Variants in ARHGAP15 observed in about 807,000 individuals in gnomAD.
ARHGAP15 encodes rho GTPase-activating protein 15.
In ARHGAP15, 51 loss-of-function variants were observed where a neutral mutation model predicts 63.7. That is an observed-to-expected ratio of 0.80 (90% CI 0.64 to 1.01). The LOEUF (loss-of-function observed/expected upper bound fraction) is 1.01, where lower values mean the gene tolerates loss of function less well. ARHGAP15 is among the 50% of genes least tolerant of loss of function. ARHGAP15 has a pLI of 0.00. For missense variants in ARHGAP15, 560 were observed against 564.6 expected (o/e 0.99, Z 0.08); for synonymous variants, 191 against 193.8 (o/e 0.99, Z 0.12).
intron 2 of ARHGAP15, among the ~76,000 whole-genome samples, chr2:143,184,309 A>G (rs899445536): frequency 2.0e-5 from 3 of 152,190 alleles, no homozygotes; most frequent in African/African-American, 7.2e-5. Flanking sequence ...TAGCAAACTG[A>G]AAGAACTGAT....
chr2:143,596,370 T>C (rs940062860), intron 11 of ARHGAP15, among the ~76,000 whole-genome samples: 30 of 152,072 alleles, frequency 2.0e-4, no homozygotes, highest in African/African-American at 7.0e-4. Context: ...TTTCAATGCA[T>C]AACAACCCCA....
chr2:143,443,334 A>G (rs1013905484), intron 8 of ARHGAP15, among the ~76,000 whole-genome samples: 1 of 152,152 alleles, frequency 6.6e-6, no homozygotes, highest in Non-Finnish European at 1.5e-5. Flanking sequence ...TCTTTCCTGG[A>G]AAAACAAAAA....
chr2:143,508,211 C>T (rs546524843), intron 9 of ARHGAP15, among the ~76,000 whole-genome samples: 30 of 152,178 alleles, frequency 2.0e-4, no homozygotes, highest in Non-Finnish European at 3.4e-4. Context: ...CCTTCCTGCT[C>T]CTCCTCTAAG....
chr2:143,321,557 T>TA (rs1684026276), intron 6 of ARHGAP15, among the ~76,000 whole-genome samples: 1 of 152,298 alleles, frequency 6.6e-6, no homozygotes, highest in South Asian at 2.1e-4. Context: ...CCTGAACCAA[T>TA]AACTATGAGC....
At chr2:143,165,024 GC>G (rs1271278095) in intron 2 of ARHGAP15, among the ~76,000 whole-genome samples, 1 of 151,946 alleles carries the variant, frequency 6.6e-6, no homozygotes, top group Non-Finnish European at 1.5e-5. Context: ...AATAAATCAT[GC>G]TTTTACTTCC....
At chr2:143,359,257 A>G (rs1041431517) in intron 6 of ARHGAP15, among the ~76,000 whole-genome samples, 4 of 152,060 alleles carry the variant, frequency 2.6e-5, no homozygotes, top group Admixed American at 6.6e-5. Context: ...ATTGAAGTTC[A>G]TTGACTTTGA....
chr2:143,374,601 C>A (rs1187466550), intron 6 of ARHGAP15, among the ~76,000 whole-genome samples: 1 of 152,082 alleles, frequency 6.6e-6, no homozygotes, highest in East Asian at 1.9e-4. Flanking sequence ...ACTCCCTGGA[C>A]TCAAAATTCT....
intron 9 of ARHGAP15, among the ~76,000 whole-genome samples, chr2:143,509,056 C>A (rs1207587675): frequency 6.6e-6 from 1 of 152,196 alleles, no homozygotes; most frequent in African/African-American, 2.4e-5. Context: ...GCTACCCCCG[C>A]AGCTAAATGT....
In ARHGAP15 at chr2:143,768,027, A is replaced by C; in HGVS notation, c.1283A>C (p.Gln428Pro). Residue 428 changes from glutamine to proline, a missense_variant, in exon 14 of 14, where the codon CAA (glutamine) becomes CCA (proline). Gln to Pro is a moderately conservative substitution (Grantham distance 76). Transcript: ENST00000295095. Reference sequence around the variant, plus strand: ...GCCTCCAAGAACCTCATGTCCACGCAAAGCTTGGGGATTGTATTTGGACCT... The same window carrying C: ...GCCTCCAAGAACCTCATGTCCACGCCAAGCTTGGGGATTGTATTTGGACCT... ...AKASKNLMST[Q>P]SLGIVFGPTL... 6.2e-7 allele frequency: 1 copy of C among 1,613,650 alleles called. No homozygotes were observed.
At chr2:143,765,785 GGA>G (rs1195205328) in intron 13 of ARHGAP15, among the ~76,000 whole-genome samples, 1 of 151,986 alleles carries the variant, frequency 6.6e-6, no homozygotes, top group African/African-American at 2.4e-5. Context: ...CACAGGTACT[GGA>G]CCCAGACTGC....
At chr2:143,318,538 A>G (rs1449927795) in intron 6 of ARHGAP15, among the ~76,000 whole-genome samples, 1 of 81,992 alleles carries the variant, frequency 1.2e-5, no homozygotes. Flanking sequence ...TTTTTTTTCG[A>G]ACAGTCAATA....
intron 8 of ARHGAP15, among the ~76,000 whole-genome samples, chr2:143,462,449 G>T (rs1369465490): frequency 6.6e-6 from 1 of 152,124 alleles, no homozygotes; most frequent in East Asian, 1.9e-4. Context: ...AAGGCACAAA[G>T]TTTTACTGAA....
At chr2:143,556,170 C>T (rs1328174704) in intron 10 of ARHGAP15, among the ~76,000 whole-genome samples, 2 of 152,024 alleles carry the variant, frequency 1.3e-5, no homozygotes, top group Non-Finnish European at 1.5e-5. Flanking sequence ...TAATCCTATT[C>T]TACCCACTGC....
chr2:143,535,027 T>C (rs891412158), intron 10 of ARHGAP15, among the ~76,000 whole-genome samples: 1 of 150,448 alleles, frequency 6.6e-6, no homozygotes, highest in Non-Finnish European at 1.5e-5. Flanking sequence ...CTAATTTCCT[T>C]ATGATAGAAA....
intron 6 of ARHGAP15, among the ~76,000 whole-genome samples, chr2:143,282,520 T>A (rs998748566): frequency 6.6e-6 from 1 of 152,036 alleles, no homozygotes; most frequent in Non-Finnish European, 1.5e-5. Context: ...TCAGGTCTCA[T>A]GAGACATGCG....
intron 13 of ARHGAP15, among the ~76,000 whole-genome samples, chr2:143,762,402 A>T (rs1686791911): frequency 6.6e-6 from 1 of 152,154 alleles, no homozygotes; most frequent in Admixed American, 6.6e-5. Context: ...ATGGTAGCTC[A>T]AACTTTACAA....
intron 6 of ARHGAP15, among the ~76,000 whole-genome samples, chr2:143,273,665 TGTGGG>T (rs1427578896): frequency 2.0e-5 from 3 of 152,136 alleles, no homozygotes; most frequent in African/African-American, 7.2e-5. Flanking sequence ...AATACGTCAG[TGTGGG>T]CTAATATTTT....
intron 12 of ARHGAP15, among the ~76,000 whole-genome samples, chr2:143,629,186 CAAA>C (rs5834959): frequency 1.4e-5 from 2 of 145,596 alleles, no homozygotes; most frequent in Non-Finnish European, 3.0e-5. Flanking sequence ...CTTTTTGGAC[CAAA>C]AAAAAAAAAA....
intron 1 of ARHGAP15, among the ~76,000 whole-genome samples, chr2:143,137,250 T>C (rs183467581): frequency 6.6e-6 from 1 of 152,200 alleles, no homozygotes; most frequent in Non-Finnish European, 1.5e-5. Context: ...CATGGGAGTA[T>C]TGACCTCGCC....
Sources: allele counts gnomAD v4.1 joint callset (sites outside exome capture counted in the v4.1 genomes callset), GRCh38; gene constraint gnomAD v4.1.1; transcripts MANE v1.5; gene names NCBI Gene and HGNC (gene_info 2026-07-23, HGNC 2026-07-21).